The following WIPI2 variants were observed in gnomAD, a reference collection of about 807,000 sequenced individuals.
WIPI2 encodes WD repeat domain, phosphoinositide interacting 2.
WIPI2 carries 28 observed loss-of-function variants against 52.3 expected under a neutral mutation model. The observed-to-expected ratio is 0.54, with a 90% CI of 0.40 to 0.73. WIPI2 has a LOEUF of 0.73. Among genes scored for constraint, WIPI2 ranks in the 30% least tolerant of loss-of-function variants. WIPI2 has a pLI of 0.00. For synonymous variants in WIPI2, 268 were observed against 245.0 expected (o/e 1.09, Z -0.88); for missense variants, 506 against 602.9 (o/e 0.84, Z 1.68).
intron 9 of WIPI2, 92 bp downstream of exon 9, chr7:5,226,022 C>T (rs1424592229): frequency 1.6e-6 from 2 of 1,258,528 alleles, no homozygotes; most frequent in African/African-American, 3.0e-5. Context: ...GACCCGCCCA[C>T]CCTCTGACAT....
intron 2 of WIPI2, among the ~76,000 whole-genome samples, chr7:5,195,788 C>G (rs771284331): frequency 7.9e-5 from 12 of 152,134 alleles, no homozygotes; most frequent in Non-Finnish European, 1.5e-4. Context: ...CGCCTGTAAT[C>G]CCAGCACTTT....
chr7:5,222,848 C>G (rs1353229278), intron 8 of WIPI2, 176 bp downstream of exon 8: 2 of 617,300 alleles, frequency 3.2e-6, no homozygotes, highest in African/African-American at 3.7e-5. Context: ...TTGAAGAGCA[C>G]TTTCAGAAAA....
intron 4 of WIPI2, among the ~76,000 whole-genome samples, chr7:5,215,597 C>T (rs1782774872): frequency 1.3e-5 from 2 of 152,214 alleles, no homozygotes. Context: ...GTAGAGTGGA[C>T]ATGATGACAG....
chr7:5,196,112 G>A (rs544895523), intron 2 of WIPI2, among the ~76,000 whole-genome samples: 10 of 152,078 alleles, frequency 6.6e-5, no homozygotes, highest in African/African-American at 2.4e-4. Flanking sequence ...GGCTGAGGCA[G>A]GTGGATCACC....
rs368747010 is a variant in WIPI2 at position 5,222,595 on chromosome 7, T to A, written c.670-7T>A. ...TCAAATTCTTCTTTTCTCTTTTCCT[T>A]CCACAGGGGACCGTGATTAGGGTAT... On this transcript the variant is annotated splice_region_variant and splice_polypyrimidine_tract_variant and intron_variant, in intron 7 of 12. Coordinates refer to ENST00000288828, the MANE Select transcript of WIPI2 (RefSeq NM_015610.4). 5 of 1,613,566 alleles carry A rather than the reference T, an allele frequency of 3.1e-6. No individual in the cohort carries two copies. Among genetic ancestry groups the A allele is most frequent in the Non-Finnish European group, 4.2e-6 (5 of 1,179,570 alleles).
In WIPI2 at chr7:5,225,913, C is replaced by T. The variant is rs149539910; in HGVS notation, c.831C>T (p.Leu277=). 8 of 1,613,770 alleles carry T rather than the reference C, an allele frequency of 5.0e-6. No individual in the cohort carries two copies. Among genetic ancestry groups the T allele is most frequent in the African/African-American group, 4.0e-5 (3 of 75,052 alleles). The change falls in exon 9 of 13, where the codon CTC becomes CTT. Residue 277 remains leucine (L), a synonymous_variant. Coordinates refer to ENST00000288828, the MANE Select transcript of WIPI2 (RefSeq NM_015610.4). The part of the protein sequence containing the change: ...SNTETVHIFK[L]ETVKEKPPEE... ...CTGAGACCGTGCACATCTTCAAACT[C>T]GAGACTGTGAAAGAAAAGTGAGTTG...
intron 4 of WIPI2, among the ~76,000 whole-genome samples, chr7:5,215,915 C>A (rs1300052287): frequency 6.6e-6 from 1 of 152,198 alleles, no homozygotes; most frequent in African/African-American, 2.4e-5. Context: ...CCTTTTAAAA[C>A]CCCCTTATTT....
Position 5,227,150 on chromosome 7 carries a change from C to G in WIPI2, c.849-30C>G. The G allele has an allele frequency of 1.9e-6, 3 of 1,613,104 alleles. No homozygotes were observed. The highest frequency in any genetic ancestry group is 2.5e-6 in the Non-Finnish European group (3 of 1,179,724). Reference sequence around the variant, plus strand: ...GGCCGTCCCCCCAGGGAGGGTGCAGCTTCATGTGTCTGGTGGCCTTTCCTT... The same window carrying G: ...GGCCGTCCCCCCAGGGAGGGTGCAGGTTCATGTGTCTGGTGGCCTTTCCTT... On this transcript the variant is annotated intron_variant, in intron 9 of 12. Transcript: ENST00000288828. The surrounding 1 kb of genome is among the most constrained non-coding windows in gnomAD (Gnocchi z 8.1).
chr7:5,232,792 A>G lies in WIPI2; in HGVS notation c.*1845A>G, dbSNP rs1479190354. 11 of 155,134 alleles carry G rather than the reference A, an allele frequency of 7.1e-5. No homozygotes were observed. In the Admixed American group the frequency reaches 7.2e-4, roughly 10 times the overall value. 9.6% of individuals were successfully genotyped at this position (155,134 alleles called of 1,614,324 possible). ...GAACCCTGAGCTAGGGTTTCCTGTC[A>G]CCAAAGAGTGAGCTGCATTTCCAGT... On this transcript the variant is annotated 3_prime_UTR_variant, in exon 13 of 13. Coordinates refer to ENST00000288828, the MANE Select transcript of WIPI2 (RefSeq NM_015610.4).
At chr7:5,228,020 C>T (rs537559763) in intron 10 of WIPI2, 84 bp from the exon 11 acceptor site, 30 of 1,334,408 alleles carry the variant, frequency 2.2e-5, no homozygotes, top group East Asian at 7.1e-5. Context: ...TCTCTTTCCT[C>T]GCCTGCCAAA....
At chr7:5,199,723 T>G (rs529146871) in intron 3 of WIPI2, 65 bp downstream of exon 3, 7 of 1,463,966 alleles carry the variant, frequency 4.8e-6, no homozygotes, top group Non-Finnish European at 6.5e-6. Flanking sequence ...TGAATTGGAA[T>G]GCGATCTAAA....
chr7:5,214,279 C>A (rs1291602145), intron 3 of WIPI2: 4 of 1,464,092 alleles, frequency 2.7e-6, no homozygotes, highest in Non-Finnish European at 3.6e-6. Context: ...ACAGAACTGA[C>A]TGAAAGGAAC....
At position 5,222,630 on chromosome 7, in the gene WIPI2, C is replaced by T. The variant is rs993309800; in HGVS notation, c.698C>T (p.Pro233Leu). 1 of 1,614,004 alleles carries T rather than the reference C, an allele frequency of 6.2e-7. No homozygotes were observed. The highest frequency in any genetic ancestry group is 8.5e-7 in the Non-Finnish European group (1 of 1,179,946). ...ACCGTGATTAGGGTATTTTCCATTC[C>T]AGAAGGACAAAAACTCTTTGAGTTT... ...KGTVIRVFSI[P>L]EGQKLFEFRR... Residue 233 changes from proline (P) to leucine (L), a missense_variant, in exon 8 of 13, where the codon CCA (proline) becomes CTA (leucine). Pro to Leu is a moderately conservative substitution (Grantham distance 98). This residue lies in a region of WIPI2 where 237 missense variants were observed against 346.9 expected (regional missense o/e 0.68). Coordinates refer to ENST00000288828, the MANE Select transcript of WIPI2 (RefSeq NM_015610.4).
At chr7:5,196,916 A>G (rs1203046735) in intron 2 of WIPI2, among the ~76,000 whole-genome samples, 1 of 151,982 alleles carries the variant, frequency 6.6e-6, no homozygotes, top group Non-Finnish European at 1.5e-5. Flanking sequence ...GTTCAAGACC[A>G]GCCTGGCCAA....
At chr7:5,228,052 GA>G in intron 10 of WIPI2, 51 bp from the exon 11 acceptor site, 4 of 1,577,134 alleles carry the variant, frequency 2.5e-6, no homozygotes, top group Non-Finnish European at 3.5e-6. Context: ...CATGTAGTAA[GA>G]CCGTTTCTGT....
chr7:5,212,438 C>T (rs1295525154), intron 3 of WIPI2, among the ~76,000 whole-genome samples: 1 of 152,162 alleles, frequency 6.6e-6, no homozygotes, highest in African/African-American at 2.4e-5. Flanking sequence ...GGCCTTGTGC[C>T]CCTGGATTTG....
chr7:5,213,584 G>GCATA (rs1782665214), intron 3 of WIPI2, among the ~76,000 whole-genome samples: 1 of 152,264 alleles, frequency 6.6e-6, no homozygotes, highest in African/African-American at 2.4e-5. Context: ...ACAGGCCACA[G>GCATA]CATACAGCCT....
At chr7:5,214,372 G>A (rs751184284) in intron 3 of WIPI2, 163 bp from the exon 4 acceptor site, 2 of 1,595,748 alleles carry the variant, frequency 1.3e-6, no homozygotes, top group South Asian at 2.2e-5. Context: ...AAGACCCTCA[G>A]ACCCCCGGGC....
At chr7:5,228,423 G>T (rs1783553206) in intron 11 of WIPI2, among the ~76,000 whole-genome samples, 1 of 152,272 alleles carries the variant, frequency 6.6e-6, no homozygotes, top group South Asian at 2.1e-4. Context: ...GCGGCTGGTG[G>T]CGTCAGGGCT....
Sources: allele counts gnomAD v4.1 joint callset (sites outside exome capture counted in the v4.1 genomes callset), GRCh38; gene constraint gnomAD v4.1.1; regional missense constraint gnomAD v4.1.1; non-coding constraint Gnocchi (gnomAD v3.1); transcripts MANE v1.5; gene names NCBI Gene and HGNC (gene_info 2026-07-23, HGNC 2026-07-21).